The following KLHDC4 variants were observed in gnomAD, a reference collection of about 807,000 sequenced individuals.
The protein encoded by KLHDC4 is kelch domain containing 4, also known as kelch domain-containing protein 4.
A neutral mutation model predicts 62.4 loss-of-function variants in KLHDC4; 90 were observed. The ratio of observed to expected loss-of-function variants is 1.44; its 90% CI spans 1.22 to 1.72. The LOEUF (loss-of-function observed/expected upper bound fraction) is 1.72. Among genes scored for constraint, KLHDC4 ranks in the 40% most tolerant of loss-of-function variants. The probability of loss-of-function intolerance (pLI) is 0.00; values close to 1 mark genes in which losing one functional copy is unlikely to be tolerated. For missense variants in KLHDC4, 1,025 were observed against 699.7 expected (o/e 1.47, Z -5.25); for synonymous variants, 386 against 284.4 (o/e 1.36, Z -3.59).
intron 5 of KLHDC4, among the ~76,000 whole-genome samples, chr16:87,747,935 C>CT (rs1361468461): frequency 6.6e-6 from 1 of 152,238 alleles, no homozygotes; most frequent in Non-Finnish European, 1.5e-5. Flanking sequence ...CGCTCTGCTG[C>CT]TTTAATGGCA....
At chr16:87,746,468 G>A (rs889033357) in intron 5 of KLHDC4, among the ~76,000 whole-genome samples, 2 of 152,146 alleles carry the variant, frequency 1.3e-5, no homozygotes, top group African/African-American at 2.4e-5. Context: ...ACTCACAACA[G>A]GCTGTGTCTC....
intron 7 of KLHDC4, among the ~76,000 whole-genome samples, chr16:87,715,923 C>A (rs2036873471): frequency 6.6e-6 from 1 of 152,212 alleles, no homozygotes; most frequent in South Asian, 2.1e-4. Context: ...TTCAGGCACG[C>A]TCAGTGCCTC....
At chr16:87,708,141 G>C (rs1293126260) in intron 11 of KLHDC4, 66 bp from the exon 12 acceptor site, 2 of 649,458 alleles carry the variant, frequency 3.1e-6, no homozygotes, top group Non-Finnish European at 5.6e-6. Flanking sequence ...CCGTGCAGGA[G>C]GGGTAGAGAG....
chr16:87,741,355 G>C (rs1400665492), intron 5 of KLHDC4, among the ~76,000 whole-genome samples: 3 of 152,196 alleles, frequency 2.0e-5, no homozygotes, highest in Non-Finnish European at 2.9e-5. Context: ...CACAGCAGGA[G>C]GTGAGGGGGC....
Position 87,754,243 on chromosome 16 carries a change from G to C in KLHDC4, c.369+951C>G, listed in dbSNP as rs1240837789. On this transcript the variant is annotated intron_variant, in intron 4 of 11. Transcript: ENST00000270583. ...TGCCTGTAATCCCAGTTACTCAGGA[G>C]GCTGGGGCAGGAGAATCACTTCAAC... is the stretch of plus-strand genomic sequence containing the variant. 2.0e-5 allele frequency among the ~76,000 whole-genome samples: 3 copies of C among 152,296 alleles called. No homozygotes were observed. In the East Asian group the frequency reaches 5.8e-4, roughly 29 times the overall value.
chr16:87,738,613 C>T (rs1282161238), intron 5 of KLHDC4, among the ~76,000 whole-genome samples: 1 of 129,664 alleles, frequency 7.7e-6, no homozygotes, highest in African/African-American at 2.9e-5. Context: ...CCACACAGCA[C>T]CTCATCCATC....
In KLHDC4 at chr16:87,731,681, G is replaced by C. The variant is rs116562409; in HGVS notation, c.507-1037C>G. Reference sequence around the variant, plus strand: ...AACAACGGTGAAACATAAACTTAGCGCACAGCTTAGCAATCTGACATAAGA... The same window carrying C: ...AACAACGGTGAAACATAAACTTAGCCCACAGCTTAGCAATCTGACATAAGA... On this transcript the variant is annotated intron_variant, in intron 5 of 11. Coordinates refer to ENST00000270583, the MANE Select transcript of KLHDC4 (RefSeq NM_017566.4). Among the ~76,000 whole-genome samples the C allele has an allele frequency of 4.9e-3, 750 of 152,006 alleles. 6 individuals carry two copies. Among genetic ancestry groups the C allele is most frequent in the African/African-American group, 0.018 (735 of 41,444 alleles).
chr16:87,728,285 G>C (rs982626511), intron 6 of KLHDC4, among the ~76,000 whole-genome samples: 2 of 152,208 alleles, frequency 1.3e-5, no homozygotes, highest in Admixed American at 1.3e-4. Flanking sequence ...TAGAATCTGA[G>C]GAATGTGGAA....
At chr16:87,745,676 AGAC>A (rs2042932728) in intron 5 of KLHDC4, among the ~76,000 whole-genome samples, 1 of 152,222 alleles carries the variant, frequency 6.6e-6, no homozygotes, top group Non-Finnish European at 1.5e-5. Flanking sequence ...AAGGTCTTCA[AGAC>A]GACATTGGGG....
chr16:87,715,880 C>A (rs2036864574), intron 7 of KLHDC4, among the ~76,000 whole-genome samples: 1 of 152,224 alleles, frequency 6.6e-6, no homozygotes, highest in Non-Finnish European at 1.5e-5. Context: ...AGACTTCAGG[C>A]ATGCTCTGTG....
chr16:87,731,753 G>A (rs765803704), intron 5 of KLHDC4, among the ~76,000 whole-genome samples: 5 of 152,212 alleles, frequency 3.3e-5, no homozygotes, highest in Admixed American at 1.3e-4. Context: ...AGACGGACAT[G>A]CACAAGTTTA....
At chr16:87,738,163 T>G (rs1158477697) in intron 5 of KLHDC4, among the ~76,000 whole-genome samples, 4 of 152,128 alleles carry the variant, frequency 2.6e-5, no homozygotes, top group African/African-American at 7.2e-5. Flanking sequence ...CCTGAGACTC[T>G]CAGAGGCCAG....
chr16:87,765,116 C>T (rs1399773451), intron 1 of KLHDC4: 1 of 456,026 alleles, frequency 2.2e-6, no homozygotes, highest in South Asian at 1.5e-5. Flanking sequence ...CACGGCAGGC[C>T]ATAAAACTGG....
rs767313855 is a variant in KLHDC4 at position 87,748,628 on chromosome 16, C to T, written c.506+45G>A. On this transcript the variant is annotated intron_variant, in intron 5 of 11. Transcript: ENST00000270583. ...AGCACTCGGGCTCAGCACACAAGCA[C>T]AGAAGAGCCATGCCCGGAGCTCAGC... 3.7e-6 allele frequency: 6 copies of T among 1,611,552 alleles called. No individual in the cohort carries two copies. The African/African-American group carries it at 8.0e-5, about 22-fold the overall frequency.
At chr16:87,745,599 C>T (rs140502364) in intron 5 of KLHDC4, among the ~76,000 whole-genome samples, 3 of 152,370 alleles carry the variant, frequency 2.0e-5, no homozygotes, top group Admixed American at 1.3e-4. Context: ...AGCTAAGATG[C>T]GCTTGGAGCT....
At chr16:87,721,439 A>AT (rs2038321246) in intron 7 of KLHDC4, among the ~76,000 whole-genome samples, 1 of 150,304 alleles carries the variant, frequency 6.7e-6, no homozygotes. Flanking sequence ...AAAAAAAAAA[A>AT]TACACCCAGA....
At position 87,730,619 on chromosome 16, in the gene KLHDC4, T is replaced by C; in HGVS notation, c.532A>G (p.Ser178Gly). 6.2e-7 allele frequency: 1 copy of C among 1,613,132 alleles called. No individual in the cohort carries two copies. The highest frequency in any genetic ancestry group is 8.5e-7 in the Non-Finnish European group (1 of 1,179,822). Residue 178 changes from serine (S) to glycine (G), a missense_variant, in exon 6 of 12, where the codon AGT becomes GGT. Ser to Gly is a moderately conservative substitution (Grantham distance 56, BLOSUM62 0). Coordinates refer to ENST00000270583, the MANE Select transcript of KLHDC4 (RefSeq NM_017566.4). The stretch of plus-strand genomic sequence containing the variant: ...TTCCAGGCCACCATCCGATGTCCAC[T>C]CCGACCCGAAGGACCGCCTGTTGAT... Reference protein sequence around the residue: ...VKSTGGPSGRSGHRMVAWKRQ... With the variant: ...VKSTGGPSGRGGHRMVAWKRQ...
rs772636674 is a variant in KLHDC4 at position 87,730,555 on chromosome 16, G to A, written c.596C>T (p.Thr199Ile). 7.5e-6 allele frequency: 12 copies of A among 1,610,728 alleles called. No individual in the cohort carries two copies. In the South Asian group the frequency reaches 1.1e-4, roughly 15 times the overall value. Residue 199 changes from threonine to isoleucine, a missense_variant, in exon 6 of 12, where the codon ACA (threonine) becomes ATA (isoleucine). Coordinates refer to ENST00000270583, the MANE Select transcript of KLHDC4 (RefSeq NM_017566.4). Reference protein sequence around the residue: ...LILFGGFHESTRDYIYYNDVY... With the variant: ...LILFGGFHESIRDYIYYNDVY... ...TTTTTCCGTTCTTGGTACCAACCGT[G>A]TACTTTCATGGAAGCCACCAAACAG...
At position 87,765,656 on chromosome 16, in the gene KLHDC4, G is replaced by C. The variant is rs924177914; in HGVS notation, c.99+136C>G. The C allele has an allele frequency of 7.9e-5, 64 of 810,506 alleles. No individual in the cohort carries two copies. The African/African-American group carries it at 1.1e-3, about 13-fold the overall frequency. The allele number at this position is 810,506 out of a possible 1,614,324, so 50.2% of individuals were successfully genotyped here. ...GCTGCCCGGACGCGGCGCCGGGGCAGTTCCTACGGCCTCCAGCTCTCCCGC... is the reference window on the plus strand; with the variant it reads ...GCTGCCCGGACGCGGCGCCGGGGCACTTCCTACGGCCTCCAGCTCTCCCGC... On this transcript the variant is annotated intron_variant, in intron 1 of 11. Coordinates refer to ENST00000270583, the MANE Select transcript of KLHDC4 (RefSeq NM_017566.4).
Sources: gnomAD v4.1 joint callset for allele counts (sites outside exome capture counted in the v4.1 genomes callset) on GRCh38, gnomAD v4.1.1 for gene constraint, MANE v1.5 for transcripts, NCBI Gene and HGNC (gene_info 2026-07-23, HGNC 2026-07-21) for gene names.